The following BRSK2 variants were observed in gnomAD, a reference collection of about 807,000 sequenced individuals.
BRSK2 encodes BR serine/threonine kinase 2, also known as serine/threonine-protein kinase BRSK2.
Under a neutral mutation model 83.3 loss-of-function variants are expected in BRSK2, and 19 were observed. The observed-to-expected ratio is 0.23, with a 90% CI of 0.16 to 0.33. The LOEUF is 0.33. BRSK2 is among the 10% of genes least tolerant of loss of function. The pLI, the probability that BRSK2 is intolerant of heterozygous loss-of-function variation, is 1.00. For missense variants in BRSK2, 798 were observed against 1,042.3 expected (o/e 0.77, Z 3.23); for synonymous variants, 519 against 435.4 (o/e 1.19, Z -2.39).
intron 1 of BRSK2, among the ~76,000 whole-genome samples, chr11:1,422,321 C>A (rs1297440097): frequency 5.3e-5 from 8 of 152,138 alleles, no homozygotes; most frequent in Non-Finnish European, 1.0e-4. Flanking sequence ...CCTCCTCCAG[C>A]CGCTCCTCCA....
At chr11:1,415,770 G>A (rs1344747388) in intron 1 of BRSK2, among the ~76,000 whole-genome samples, 3 of 150,858 alleles carry the variant, frequency 2.0e-5, no homozygotes, top group East Asian at 2.0e-4. Flanking sequence ...CTGCCCACAC[G>A]GTGGTCCCAG....
intron 1 of BRSK2, among the ~76,000 whole-genome samples, chr11:1,406,010 T>G (rs1324679199): frequency 6.6e-6 from 1 of 151,980 alleles, no homozygotes; most frequent in East Asian, 1.9e-4. Context: ...CCACCCAAGA[T>G]ACGGAGACAG....
rs894255438 is a variant in BRSK2 at position 1,444,833 on chromosome 11, A to G, written c.781-138A>G. The G allele has an allele frequency of 9.8e-6, 5 of 510,760 alleles. No individual in the cohort carries two copies. The East Asian group carries it at 1.4e-4, about 14-fold the overall frequency. 31.6% of individuals were successfully genotyped at this position (510,760 alleles called of 1,614,324 possible). The stretch of plus-strand genomic sequence containing the variant: ...CAGCCCCCTCCCTATCTTCCTCCCC[A>G]CCTTCCCCCCACTCACTTGCCCTCA... On this transcript the variant is annotated intron_variant, in intron 8 of 19. Coordinates refer to ENST00000528841, the MANE Select transcript of BRSK2 (RefSeq NM_001256627.2).
chr11:1,441,319 A>G (rs1453249984), intron 4 of BRSK2, among the ~76,000 whole-genome samples: 3 of 13,080 alleles, frequency 2.3e-4, no homozygotes, highest in African/African-American at 3.6e-4. Context: ...CCCCCCATTA[A>G]CTACCCCTCA....
chr11:1,460,487 T>G lies in BRSK2; in HGVS notation c.1988-13T>G. ...TTTTTTTTTTTTTTTTTGTCTCTGTTCTGTGTACCCAGGCAGCCCATTGAG... is the reference window on the plus strand; with the variant it reads ...TTTTTTTTTTTTTTTTTGTCTCTGTGCTGTGTACCCAGGCAGCCCATTGAG... On this transcript the variant is annotated splice_polypyrimidine_tract_variant and intron_variant, in intron 19 of 19. Transcript: ENST00000528841. 1 of 1,458,434 alleles carries G rather than the reference T, an allele frequency of 6.9e-7. No individual in the cohort carries two copies. Among genetic ancestry groups the G allele is most frequent in the Non-Finnish European group, 9.1e-7 (1 of 1,102,804 alleles). 90.3% of individuals were successfully genotyped at this position (1,458,434 alleles called of 1,614,324 possible).
At chr11:1,424,209 C>T (rs991288803) in intron 1 of BRSK2, among the ~76,000 whole-genome samples, 13 of 152,314 alleles carry the variant, frequency 8.5e-5, no homozygotes, top group African/African-American at 2.6e-4. Context: ...CCGTGAGCCC[C>T]GGGGAGCCCC....
At chr11:1,428,848 G>A (rs574143266) in intron 1 of BRSK2, among the ~76,000 whole-genome samples, 8 of 151,774 alleles carry the variant, frequency 5.3e-5, no homozygotes, top group Non-Finnish European at 1.0e-4. Context: ...TGTGTGTACA[G>A]GCGTGCGTAC....
Position 1,454,355 on chromosome 11 carries a change from A to T in BRSK2, c.1545-130A>T. On this transcript the variant is annotated intron_variant, in intron 15 of 19. Coordinates refer to ENST00000528841, the MANE Select transcript of BRSK2 (RefSeq NM_001256627.2). This position sits in a 1 kb window ranked among gnomAD's most constrained non-coding sequence, Gnocchi z 5.2. ...GTCAGGGCCATGGGTTCTGGCTAGC[A>T]CTGTGGAGACAGCCGTTTCTATCAC... The T allele has an allele frequency of 8.9e-7, 1 of 1,117,590 alleles. No homozygotes were observed. 69.2% of individuals were successfully genotyped at this position (1,117,590 alleles called of 1,614,324 possible).
rs373681547 is a variant in BRSK2 at position 1,392,026 on chromosome 11, G to C, written c.91+1651G>C. ...GAGATATTTAGAAAACAGCTCGAGG[G>C]GGGGCACAAAGCGGCCCCTCTCTCC... On this transcript the variant is annotated intron_variant, in intron 1 of 19. Transcript: ENST00000528841. 1.1e-4 allele frequency among the ~76,000 whole-genome samples: 17 copies of C among 152,204 alleles called. 1 individual carries two copies. The highest frequency in any genetic ancestry group is 9.8e-4 in the Admixed American group (15 of 15,288).
chr11:1,403,595 A>G (rs1590327477), intron 1 of BRSK2, among the ~76,000 whole-genome samples: 1 of 152,110 alleles, frequency 6.6e-6, no homozygotes, highest in East Asian at 1.9e-4. Flanking sequence ...GATAACTGAT[A>G]CCCCACCTCT....
At chr11:1,447,931 C>T (rs1382244107) in intron 12 of BRSK2, 1 of 1,450,652 alleles carries the variant, frequency 6.9e-7, no homozygotes, top group Non-Finnish European at 9.4e-7. Flanking sequence ...TCAGGCCGGG[C>T]AGGCACATGG....
At chr11:1,443,270 C>T (rs1034587236) in intron 6 of BRSK2, 65 bp from the exon 7 acceptor site, 175 of 1,539,956 alleles carry the variant, frequency 1.1e-4, no homozygotes, top group Non-Finnish European at 1.5e-4. Context: ...CCCTCTGAGC[C>T]CAGGCCCTCC....
At chr11:1,425,587 G>C (rs1248358444) in intron 1 of BRSK2, among the ~76,000 whole-genome samples, 1 of 152,196 alleles carries the variant, frequency 6.6e-6, no homozygotes, top group Non-Finnish European at 1.5e-5. Context: ...CCTCCGTGCA[G>C]CCTGGGCCAG....
In BRSK2 at chr11:1,438,786, A is replaced by C. The variant is rs768149473; in HGVS notation, c.272+395A>C. 6.6e-6 allele frequency among the ~76,000 whole-genome samples: 1 copy of C among 152,008 alleles called. No individual in the cohort carries two copies. The highest frequency in any genetic ancestry group is 2.1e-4 in the South Asian group (1 of 4,816). ...GCCCTGGGCAGTGAGCCATGTCTCTATCCCTGAGGCTCCCTCACACGAGGC... is the reference window on the plus strand; with the variant it reads ...GCCCTGGGCAGTGAGCCATGTCTCTCTCCCTGAGGCTCCCTCACACGAGGC... On this transcript the variant is annotated intron_variant, in intron 3 of 19. Transcript: ENST00000528841. The surrounding 1 kb of genome is among the most constrained non-coding windows in gnomAD (Gnocchi z 6.4).
intron 15 of BRSK2, among the ~76,000 whole-genome samples, chr11:1,452,683 C>T (rs1220481321): frequency 6.6e-6 from 1 of 151,824 alleles, no homozygotes; most frequent in African/African-American, 2.4e-5. Flanking sequence ...CACCCAAGGG[C>T]CCGGCACAGA....
Position 1,456,581 on chromosome 11 carries a change from C to A in BRSK2, c.1850-17C>A, listed in dbSNP as rs766278074. On this transcript the variant is annotated splice_polypyrimidine_tract_variant and intron_variant, in intron 17 of 19. Transcript: ENST00000528841. ...GGGCCCAGGCCCGTCCAGGGCATAACCCCCTGTCTCCCCTAGGCCCCAGCC... is the reference window on the plus strand; with the variant it reads ...GGGCCCAGGCCCGTCCAGGGCATAAACCCCTGTCTCCCCTAGGCCCCAGCC... The A allele has an allele frequency of 1.9e-6, 3 of 1,608,320 alleles. No individual in the cohort carries two copies. The highest frequency in any genetic ancestry group is 1.7e-5 in the Admixed American group (1 of 59,462).
At position 1,445,076 on chromosome 11, in the gene BRSK2, G is replaced by T. The variant is rs983704051; in HGVS notation, c.812+74G>T. 8.3e-6 allele frequency: 13 copies of T among 1,567,478 alleles called. No homozygotes were observed. In the East Asian group the frequency reaches 2.0e-4, roughly 24 times the overall value. ...GCCTGGAGGCCCTGCTAGGAAAGGC[G>T]GGGGGAGGGCGCCGGCCCAGCGCAG... On this transcript the variant is annotated intron_variant, in intron 9 of 19. Transcript: ENST00000528841.
chr11:1,440,996 C>A (rs756305883), intron 4 of BRSK2, 68 bp downstream of exon 4: 34 of 1,375,852 alleles, frequency 2.5e-5, no homozygotes, highest in Non-Finnish European at 3.2e-5. Context: ...ACCACAGATG[C>A]CCCCTGTGCC....
At position 1,460,559 on chromosome 11, in the gene BRSK2, G is replaced by A. The variant is rs768368517; in HGVS notation, c.2047G>A (p.Gly683Arg). ...ACAACTTTTTTCAGACGAGAAGAAC[G>A]GGCAGGCGGCCCAGGCCCCCAGCAC... ...IKQLFSDEKN[G>R]QAAQAPSTPA... The change falls in exon 20 of 20, where the codon GGG (glycine) becomes AGG (arginine). Residue 683 changes from glycine to arginine, a missense_variant. Around this residue, in one of 6 missense-constraint regions of BRSK2, gnomAD observed 455 missense variants for 455.2 expected, o/e 1.00. Transcript: ENST00000528841. 119 of 1,530,084 alleles carry A rather than the reference G, an allele frequency of 7.8e-5. No individual in the cohort carries two copies. The highest frequency in any genetic ancestry group is 8.6e-5 in the Non-Finnish European group (98 of 1,144,494). The allele number at this position is 1,530,084 out of a possible 1,614,324, so 94.8% of individuals were successfully genotyped here. A position where few individuals can be genotyped will look rare whatever the true frequency, so the allele number is the denominator to read the frequency against.
Sources: gnomAD v4.1 joint callset for allele counts (sites outside exome capture counted in the v4.1 genomes callset) on GRCh38, gnomAD v4.1.1 for gene constraint, gnomAD v4.1.1 regional missense constraint, Gnocchi (gnomAD v3.1) non-coding constraint, MANE v1.5 for transcripts, NCBI Gene and HGNC (gene_info 2026-07-23, HGNC 2026-07-21) for gene names.